The following DLG2 variants were observed in gnomAD, a reference collection of about 807,000 sequenced individuals.
DLG2 encodes the protein discs large MAGUK scaffold protein 2.
Under a neutral mutation model 132.5 loss-of-function variants are expected in DLG2, and 45 were observed. That is an observed-to-expected ratio of 0.34 (90% confidence interval 0.27 to 0.44). DLG2 has a LOEUF of 0.44. DLG2 is among the 20% of genes least tolerant of loss of function. DLG2 has a pLI of 1.00. For synonymous variants in DLG2, 424 were observed against 419.6 expected (o/e 1.01, Z -0.13); for missense variants, 1,045 against 1,196.9 (o/e 0.87, Z 1.87).
intron 11 of DLG2, among the ~76,000 whole-genome samples, chr11:84,025,125 T>A (rs1054599353): frequency 6.6e-6 from 1 of 152,132 alleles, no homozygotes. Flanking sequence ...GACCTTTTAG[T>A]TGTAGGTTGG....
intron 3 of DLG2, among the ~76,000 whole-genome samples, chr11:85,436,970 A>G (rs570021690): frequency 6.6e-6 from 1 of 152,370 alleles, no homozygotes; most frequent in Admixed American, 6.5e-5. Context: ...TTATGCAGCC[A>G]TAAAAAGGAA....
At chr11:83,918,705 C>G (rs1319436887) in intron 15 of DLG2, among the ~76,000 whole-genome samples, 1 of 152,118 alleles carries the variant, frequency 6.6e-6, no homozygotes, top group Admixed American at 6.6e-5. Context: ...GAAGTAAAGT[C>G]CCTGCCTGAG....
At chr11:85,196,504 T>C (rs2081079430) in intron 4 of DLG2, among the ~76,000 whole-genome samples, 2 of 152,194 alleles carry the variant, frequency 1.3e-5, no homozygotes, top group South Asian at 4.1e-4. Flanking sequence ...CTGATTTCCA[T>C]AGTGTAAATA....
chr11:85,355,627 G>A (rs188729790), intron 3 of DLG2, among the ~76,000 whole-genome samples: 6 of 152,230 alleles, frequency 3.9e-5, no homozygotes, highest in Admixed American at 2.0e-4. Flanking sequence ...ACTTTTGTTT[G>A]AGGCATGTGC....
At chr11:85,585,536 T>G (rs1225336951) in intron 3 of DLG2, among the ~76,000 whole-genome samples, 2 of 152,200 alleles carry the variant, frequency 1.3e-5, no homozygotes, top group Admixed American at 6.5e-5. Context: ...TTCAGTATAA[T>G]GTTTGCTGTT....
At chr11:84,826,799 G>T (rs2078380077) in intron 6 of DLG2, among the ~76,000 whole-genome samples, 1 of 151,658 alleles carries the variant, frequency 6.6e-6, no homozygotes. Flanking sequence ...AATTTTCTTT[G>T]GTCCTTCCTC....
intron 22 of DLG2, among the ~76,000 whole-genome samples, chr11:83,476,441 C>G (rs1471139308): frequency 6.6e-6 from 1 of 152,118 alleles, no homozygotes; most frequent in Non-Finnish European, 1.5e-5. Context: ...CATTTCTATT[C>G]TAATTCAAGC....
At chr11:85,604,906 A>G (rs2080419359) in intron 2 of DLG2, among the ~76,000 whole-genome samples, 1 of 152,212 alleles carries the variant, frequency 6.6e-6, no homozygotes, top group Non-Finnish European at 1.5e-5. Flanking sequence ...CAATAGTGCT[A>G]ACAAATGAAC....
intron 6 of DLG2, among the ~76,000 whole-genome samples, chr11:84,773,186 T>A (rs1014123135): frequency 6.6e-6 from 1 of 152,122 alleles, no homozygotes; most frequent in Non-Finnish European, 1.5e-5. Context: ...CTAAAGGAAA[T>A]GGATAAATTC....
chr11:83,924,966 T>A (rs1245203756), intron 15 of DLG2, among the ~76,000 whole-genome samples: 1 of 152,082 alleles, frequency 6.6e-6, no homozygotes, highest in East Asian at 1.9e-4. Flanking sequence ...CATTTCTTTG[T>A]GTATGTTAAT....
chr11:85,624,441 T>C (rs759023510), intron 2 of DLG2, among the ~76,000 whole-genome samples: 1 of 152,214 alleles, frequency 6.6e-6, no homozygotes, highest in Non-Finnish European at 1.5e-5. Context: ...TGAGGATAGT[T>C]ATTGTTTAGA....
intron 15 of DLG2, among the ~76,000 whole-genome samples, chr11:83,904,343 G>A (rs1458482842): frequency 2.6e-5 from 4 of 151,902 alleles, no homozygotes; most frequent in African/African-American, 9.7e-5. Flanking sequence ...CCACTGTGCT[G>A]TATAATTATA....
intron 9 of DLG2, among the ~76,000 whole-genome samples, chr11:84,153,732 C>G (rs924632524): frequency 4.6e-5 from 7 of 152,270 alleles, no homozygotes; most frequent in Admixed American, 2.0e-4. Flanking sequence ...TGTCATCTTT[C>G]AACTCATGGA....
intron 6 of DLG2, among the ~76,000 whole-genome samples, chr11:85,040,745 A>G (rs1057458848): frequency 4.6e-5 from 7 of 151,870 alleles, no homozygotes; most frequent in African/African-American, 1.4e-4. Flanking sequence ...GTATTTACCT[A>G]TGTTGATTTG....
At chr11:85,112,767 G>A (rs978450761) in intron 5 of DLG2, among the ~76,000 whole-genome samples, 10 of 152,060 alleles carry the variant, frequency 6.6e-5, no homozygotes, top group African/African-American at 2.4e-4. Flanking sequence ...GCATCTCTGA[G>A]ATTGCAGCAA....
At chr11:85,469,058 T>C (rs958809123) in intron 3 of DLG2, among the ~76,000 whole-genome samples, 1 of 152,196 alleles carries the variant, frequency 6.6e-6, no homozygotes, top group Admixed American at 6.5e-5. Flanking sequence ...TTTACCTCAA[T>C]AAATGGAACC....
rs73518907 is a variant in DLG2 at position 84,891,847 on chromosome 11, T to A, written c.357+219814A>T. ...ATACAGACCTAAAGCAGAGCATCTC[T>A]GCCCTCAAAGAATCTATATTAAAAG... On this transcript the variant is annotated intron_variant, in intron 6 of 27. Coordinates refer to ENST00000376104, the MANE Select transcript of DLG2 (RefSeq NM_001142699.3). Among the ~76,000 whole-genome samples the A allele has an allele frequency of 2.2e-3, 342 of 152,280 alleles. 2 individuals carry two copies. The highest frequency in any genetic ancestry group is 8.0e-3 in the African/African-American group (331 of 41,560).
rs900076028 is a variant in DLG2, at chr11:84,582,402, TTTAAGTTAAAATACATATATA to T, written c.358-47692_358-47672del. Among the ~76,000 whole-genome samples the T allele has an allele frequency of 4.5e-4, 67 of 149,128 alleles. 1 individual carries two copies. The South Asian group carries it at 0.011, about 24-fold the overall frequency. The stretch of plus-strand genomic sequence containing the variant: ...TATATATATATTTAGGGAAAACTCT[TTTAAGTTAAAATACATATATA>T]TTAAGTTAAAATACATATATATTAT... On this transcript the variant is annotated intron_variant, in intron 6 of 27. Transcript: ENST00000376104.
intron 9 of DLG2, among the ~76,000 whole-genome samples, chr11:84,152,277 T>C: frequency 6.6e-6 from 1 of 152,226 alleles, no homozygotes; most frequent in East Asian, 1.9e-4. Context: ...AATTGAACTC[T>C]TCATTATCAT....
Sources: gnomAD v4.1 joint callset for allele counts (sites outside exome capture counted in the v4.1 genomes callset) on GRCh38, gnomAD v4.1.1 for gene constraint, MANE v1.5 for transcripts, NCBI Gene and HGNC (gene_info 2026-07-23, HGNC 2026-07-21) for gene names.